DCLK1: variants seen among roughly 807,000 people sequenced by gnomAD.
DCLK1 encodes doublecortin like kinase 1.
DCLK1 carries 16 observed loss-of-function variants against 86.2 expected under a neutral mutation model. That is an observed-to-expected ratio of 0.19 (90% confidence interval 0.13 to 0.28). DCLK1 has a LOEUF of 0.28. DCLK1 is among the 10% of genes least tolerant of loss of function. The probability of loss-of-function intolerance (pLI) is 1.00; values close to 1 mark genes in which losing one functional copy is unlikely to be tolerated. For synonymous variants in DCLK1, 369 were observed against 370.5 expected (o/e 1.00, Z 0.05); for missense variants, 590 against 940.2 (o/e 0.63, Z 4.87).
chr13:35,821,623 T>C (rs563718124), intron 11 of DCLK1, among the ~76,000 whole-genome samples: 5 of 151,232 alleles, frequency 3.3e-5, no homozygotes, highest in Admixed American at 2.0e-4. Flanking sequence ...GGGTGGATAA[T>C]GAAAGGAAGA....
intron 11 of DCLK1, among the ~76,000 whole-genome samples, chr13:35,817,219 T>C (rs570129581): frequency 5.9e-5 from 9 of 152,308 alleles, no homozygotes; most frequent in Non-Finnish European, 1.3e-4. Context: ...TTTTCCTTCC[T>C]GTCCTCATCT....
chr13:35,971,264 A>C lies in DCLK1; in HGVS notation c.724-23807T>G, dbSNP rs76198761. On this transcript the variant is annotated intron_variant, in intron 3 of 16. Transcript: ENST00000360631. ...AGAATGATTGATTGGCTTCAATGTAACTGAAGCACTGAAAAAGAAGAAAAG... is the reference window on the plus strand; with the variant it reads ...AGAATGATTGATTGGCTTCAATGTACCTGAAGCACTGAAAAAGAAGAAAAG... Among the ~76,000 whole-genome samples the C allele has an allele frequency of 2.6e-3, 392 of 152,270 alleles. 1 individual carries two copies. Among genetic ancestry groups the C allele is most frequent in the East Asian group, 0.014 (75 of 5,178 alleles).
intron 3 of DCLK1, among the ~76,000 whole-genome samples, chr13:36,092,130 G>A (rs1337639656): frequency 6.6e-6 from 1 of 151,954 alleles, no homozygotes; most frequent in Non-Finnish European, 1.5e-5. Context: ...TGATACTGTT[G>A]ACCATATACA....
At chr13:35,830,658 T>C (rs1487721505) in intron 8 of DCLK1, among the ~76,000 whole-genome samples, 1 of 152,236 alleles carries the variant, frequency 6.6e-6, no homozygotes, top group Non-Finnish European at 1.5e-5. Flanking sequence ...CAATTTCCTA[T>C]CTGGCTTAAC....
intron 4 of DCLK1, among the ~76,000 whole-genome samples, chr13:35,928,946 T>C (rs1217309727): frequency 2.6e-5 from 4 of 152,168 alleles, no homozygotes; most frequent in African/African-American, 9.7e-5. Context: ...ACTTTATTTT[T>C]TGAGACAGAG....
At chr13:35,804,553 C>A (rs937813669) in intron 15 of DCLK1, among the ~76,000 whole-genome samples, 1 of 152,038 alleles carries the variant, frequency 6.6e-6, no homozygotes, top group Non-Finnish European at 1.5e-5. Flanking sequence ...GTGCCTCAGC[C>A]TCCTGAGTAG....
intron 4 of DCLK1, among the ~76,000 whole-genome samples, chr13:35,914,643 G>A (rs916626290): frequency 1.3e-5 from 2 of 150,808 alleles, no homozygotes; most frequent in African/African-American, 4.9e-5. Context: ...TTGAGCTGGA[G>A]AGGTCAGGGC....
At chr13:36,130,241 G>A (rs569084121) in intron 1 of DCLK1, among the ~76,000 whole-genome samples, 2 of 152,244 alleles carry the variant, frequency 1.3e-5, no homozygotes, top group African/African-American at 2.4e-5. Context: ...CTTTCCCACT[G>A]AAAGGCAATA....
intron 3 of DCLK1, among the ~76,000 whole-genome samples, chr13:36,040,547 A>T (rs142544945): frequency 1.3e-5 from 2 of 151,374 alleles, no homozygotes; most frequent in Non-Finnish European, 3.0e-5. Context: ...ATTGATGTTG[A>T]CTCTATTCAC....
Position 36,126,120 on chromosome 13 carries a change from G to A in DCLK1, c.18C>T (p.Asp6=). ...GCTCGTCGAAGTGCTCCAGCTCCATGTCTCTGCCGAAGGACATGATGGACT... is the reference window on the plus strand; with the variant it reads ...GCTCGTCGAAGTGCTCCAGCTCCATATCTCTGCCGAAGGACATGATGGACT... MSFGR[D]MELEHFDERD... is the part of the protein sequence containing the mutation. Residue 6 remains aspartate, a synonymous_variant, in exon 2 of 17, where the codon GAC becomes GAT. Transcript: ENST00000360631. 1 of 1,596,844 alleles carries A rather than the reference G, an allele frequency of 6.3e-7. No individual in the cohort carries two copies. The highest frequency in any genetic ancestry group is 8.5e-7 in the Non-Finnish European group (1 of 1,171,770).
At chr13:36,031,846 T>A (rs1882290303) in intron 3 of DCLK1, among the ~76,000 whole-genome samples, 1 of 152,194 alleles carries the variant, frequency 6.6e-6, no homozygotes, top group South Asian at 2.1e-4. Context: ...TGGCTGCTGT[T>A]TGCATCTGAC....
At chr13:36,007,932 G>A (rs771541660) in intron 3 of DCLK1, among the ~76,000 whole-genome samples, 3 of 151,852 alleles carry the variant, frequency 2.0e-5, no homozygotes, top group Admixed American at 1.3e-4. Flanking sequence ...TTTGTGTGTC[G>A]TATACAAACC....
chr13:35,989,806 C>A (rs374917932), intron 3 of DCLK1, among the ~76,000 whole-genome samples: 2 of 151,666 alleles, frequency 1.3e-5, no homozygotes, highest in Non-Finnish European at 2.9e-5. Flanking sequence ...CCTGCTTCAG[C>A]CTCCTGAATT....
At chr13:35,885,408 G>A (rs1873168730) in intron 4 of DCLK1, among the ~76,000 whole-genome samples, 1 of 152,140 alleles carries the variant, frequency 6.6e-6, no homozygotes, top group African/African-American at 2.4e-5. Flanking sequence ...CTAACTGTAA[G>A]GCCGGGAACA....
Position 35,839,078 on chromosome 13 carries a change from C to T in DCLK1, c.1120+14G>A. 6.3e-7 allele frequency: 1 copy of T among 1,590,184 alleles called. No individual in the cohort carries two copies. Among genetic ancestry groups the T allele is most frequent in the South Asian group, 1.2e-5 (1 of 86,726 alleles). On this transcript the variant is annotated intron_variant, in intron 7 of 16. Transcript: ENST00000360631. ...TCCTCTGCCTCCTCAGATACCAAGTCCCAAGCTCATCACCTTCTCCAGGGC... is the reference window on the plus strand; with the variant it reads ...TCCTCTGCCTCCTCAGATACCAAGTTCCAAGCTCATCACCTTCTCCAGGGC...
At chr13:35,863,200 T>C (rs1003695954) in intron 5 of DCLK1, among the ~76,000 whole-genome samples, 51 of 152,326 alleles carry the variant, frequency 3.3e-4, no homozygotes, top group African/African-American at 1.1e-3. Context: ...CAAAATTGCC[T>C]AATAACACAT....
chr13:35,816,001 A>G (rs1427994700), intron 11 of DCLK1, among the ~76,000 whole-genome samples: 1 of 152,180 alleles, frequency 6.6e-6, no homozygotes, highest in African/African-American at 2.4e-5. Context: ...AGTGAACGGA[A>G]ACTCCAGGAA....
chr13:36,029,466 G>A (rs1300723318), intron 3 of DCLK1, among the ~76,000 whole-genome samples: 6 of 152,266 alleles, frequency 3.9e-5, no homozygotes, highest in Middle Eastern at 3.4e-3. Flanking sequence ...ATGAATACAC[G>A]TATCTCATAA....
chr13:36,061,477 T>C (rs1883546238), intron 3 of DCLK1, among the ~76,000 whole-genome samples: 1 of 152,180 alleles, frequency 6.6e-6, no homozygotes, highest in African/African-American at 2.4e-5. Flanking sequence ...GCAATAAAAC[T>C]GTAAGCAAAA....
Sources: allele counts gnomAD v4.1 joint callset (sites outside exome capture counted in the v4.1 genomes callset), GRCh38; gene constraint gnomAD v4.1.1; transcripts MANE v1.5; gene names NCBI Gene and HGNC (gene_info 2026-07-23, HGNC 2026-07-21).